The following RAPGEF1 variants were observed in gnomAD, a reference collection of about 807,000 sequenced individuals.
The protein encoded by RAPGEF1 is CRK SH3-binding GNRP.
RAPGEF1 carries 33 observed loss-of-function variants against 143.3 expected under a neutral mutation model. That is an observed-to-expected ratio of 0.23 (90% CI 0.17 to 0.31). The LOEUF (loss-of-function observed/expected upper bound fraction) is 0.31. RAPGEF1 is among the 10% of genes least tolerant of loss of function. RAPGEF1 has a pLI of 1.00. For missense variants in RAPGEF1, 1,199 were observed against 1,645.4 expected, an observed-to-expected ratio of 0.73 and a Z score of 4.69; for synonymous variants, 629 against 676.5, an observed-to-expected ratio of 0.93 and a Z score of 1.09.
At chr9:131,614,420 C>T (rs1958573690) in intron 12 of RAPGEF1, among the ~76,000 whole-genome samples, 1 of 152,238 alleles carries the variant, frequency 6.6e-6, no homozygotes, top group South Asian at 2.1e-4. Context: ...TTCTTCTCTC[C>T]TTCTCTCTCT....
chr9:131,676,078 T>C (rs1192625646), intron 1 of RAPGEF1, among the ~76,000 whole-genome samples: 1 of 152,104 alleles, frequency 6.6e-6, no homozygotes, highest in Admixed American at 6.5e-5. Context: ...GACAATAAAG[T>C]GCCTTCCTTA....
intron 22 of RAPGEF1, among the ~76,000 whole-genome samples, chr9:131,586,283 C>T (rs1243147433): frequency 7.0e-6 from 1 of 143,352 alleles, no homozygotes; most frequent in African/African-American, 2.7e-5. Flanking sequence ...CACACACACA[C>T]ACCTGCAGAG....
intron 12 of RAPGEF1, among the ~76,000 whole-genome samples, chr9:131,609,959 C>T (rs776976046): frequency 3.6e-4 from 55 of 152,268 alleles, no homozygotes; most frequent in Admixed American, 6.5e-4. Flanking sequence ...TGCAGTGATG[C>T]GGTCTTGGCT....
At chr9:131,682,618 T>C (rs1373394798) in intron 1 of RAPGEF1, among the ~76,000 whole-genome samples, 3 of 152,204 alleles carry the variant, frequency 2.0e-5, no homozygotes, top group Non-Finnish European at 4.4e-5. Flanking sequence ...TTCTGTTCCC[T>C]GGACAGCAGA....
At chr9:131,739,743 G>A in intron 1 of RAPGEF1, 27 bp downstream of exon 1, 3 of 1,119,716 alleles carry the variant, frequency 2.7e-6, no homozygotes, top group South Asian at 2.3e-5. Context: ...CCCGGCCGGA[G>A]GGAGCCGCCC....
At chr9:131,701,348 T>C (rs1297953131) in intron 1 of RAPGEF1, among the ~76,000 whole-genome samples, 1 of 152,194 alleles carries the variant, frequency 6.6e-6, no homozygotes, top group African/African-American at 2.4e-5. Flanking sequence ...ACTACACCCA[T>C]ACTTCTCATG....
chr9:131,614,744 T>C (rs1002407162), intron 12 of RAPGEF1, among the ~76,000 whole-genome samples: 6 of 152,332 alleles, frequency 3.9e-5, no homozygotes, highest in Admixed American at 3.9e-4. Flanking sequence ...ACGACTGTTT[T>C]GCCCAGAATG....
rs377355004 is a variant in RAPGEF1 at position 131,618,964 on chromosome 9, C to G, written c.2061+87G>C. 2.5e-5 allele frequency: 30 copies of G among 1,191,194 alleles called. No homozygotes were observed. The East Asian group carries it at 4.6e-4, about 18-fold the overall frequency. 73.8% of individuals were successfully genotyped at this position (1,191,194 alleles called of 1,614,324 possible). A position where few individuals can be genotyped will look rare whatever the true frequency, so the allele number is the denominator to read the frequency against. ...GCAGAAGGGCAGGGGCCGCGACGGG[C>G]AGCAGAACACATGGCTGAGGCACAC... On this transcript the variant is annotated intron_variant, in intron 12 of 26. Transcript: ENST00000683357.
intron 5 of RAPGEF1, among the ~76,000 whole-genome samples, chr9:131,633,140 C>T (rs573421382): frequency 6.6e-6 from 1 of 152,316 alleles, no homozygotes; most frequent in African/African-American, 2.4e-5. Flanking sequence ...AAAGGAGAAC[C>T]TTAATACTTG....
At chr9:131,694,617 G>A (rs761977066) in intron 1 of RAPGEF1, among the ~76,000 whole-genome samples, 2 of 151,218 alleles carry the variant, frequency 1.3e-5, no homozygotes, top group East Asian at 3.9e-4. Flanking sequence ...TGGCATGCCT[G>A]TGCCCCAGGT....
intron 1 of RAPGEF1, among the ~76,000 whole-genome samples, chr9:131,674,235 T>C (rs764824690): frequency 5.9e-5 from 9 of 152,302 alleles, no homozygotes; most frequent in Non-Finnish European, 1.0e-4. Context: ...ACAAAAATAT[T>C]AGCACAGAAC....
rs891916434 is a variant in RAPGEF1 at position 131,628,864 on chromosome 9, C to G, written c.894-192G>C. ...TACCAAATGAACAAAAAAGAACAAC[C>G]CTTTCTTTTTCTTTCATAATAAATC... is the stretch of plus-strand genomic sequence containing the variant. On this transcript the variant is annotated intron_variant, in intron 7 of 26. Transcript: ENST00000683357. The surrounding 1 kb of genome is among the most constrained non-coding windows in gnomAD (Gnocchi z 5.7). Among the ~76,000 whole-genome samples, 3 of 152,120 alleles carry G rather than the reference C, an allele frequency of 2.0e-5. No individual in the cohort carries two copies. The highest frequency in any genetic ancestry group is 2.1e-4 in the South Asian group (1 of 4,822).
chr9:131,639,770 G>A (rs1047699009), intron 4 of RAPGEF1, among the ~76,000 whole-genome samples: 2 of 152,066 alleles, frequency 1.3e-5, no homozygotes, highest in African/African-American at 4.8e-5. Context: ...AGGAGCCAAA[G>A]ATATAACTTT....
intron 12 of RAPGEF1, among the ~76,000 whole-genome samples, chr9:131,607,321 C>T (rs115926543): frequency 0.036 from 5,474 of 152,250 alleles, 201 homozygotes; most frequent in East Asian, 0.09. Context: ...CCTGGCTTGC[C>T]GCCCTCACCT....
At chr9:131,630,415 C>T (rs550610685) in intron 5 of RAPGEF1, 91 bp from the exon 6 acceptor site, 290 of 1,250,364 alleles carry the variant, frequency 2.3e-4, no homozygotes, top group Non-Finnish European at 3.1e-4. Flanking sequence ...TCCTCTGCTG[C>T]TGAGTCTCAT....
chr9:131,625,491 A>G (rs1962690093), intron 10 of RAPGEF1, among the ~76,000 whole-genome samples: 1 of 152,176 alleles, frequency 6.6e-6, no homozygotes, highest in South Asian at 2.1e-4. Flanking sequence ...AGTGTGCTCT[A>G]GACAGGGATC....
Position 131,629,045 on chromosome 9 carries a change from C to T in RAPGEF1, c.893+57G>A, listed in dbSNP as rs1057459887. The T allele has an allele frequency of 2.5e-6, 4 of 1,572,226 alleles. No individual in the cohort carries two copies. In the African/African-American group the frequency reaches 4.1e-5, roughly 16 times the overall value. On this transcript the variant is annotated intron_variant, in intron 7 of 26. Transcript: ENST00000683357. ...GGGAAAGGGCCCGAGCCCTGTCTTC[C>T]TCCCTTTCTTTCTCATTCTGCCATG...
At chr9:131,723,152 C>T (rs1425565444) in intron 1 of RAPGEF1, among the ~76,000 whole-genome samples, 1 of 152,202 alleles carries the variant, frequency 6.6e-6, no homozygotes, top group Non-Finnish European at 1.5e-5. Flanking sequence ...CGAGATCACA[C>T]CATTGCACTT....
At chr9:131,713,963 T>G (rs1163254091) in intron 1 of RAPGEF1, among the ~76,000 whole-genome samples, 1 of 152,122 alleles carries the variant, frequency 6.6e-6, no homozygotes, top group Non-Finnish European at 1.5e-5. Flanking sequence ...CATATCAGAG[T>G]AAGATCCACT....
Sources: allele counts gnomAD v4.1 joint callset (sites outside exome capture counted in the v4.1 genomes callset), GRCh38; gene constraint gnomAD v4.1.1; non-coding constraint Gnocchi (gnomAD v3.1); transcripts MANE v1.5; gene names NCBI Gene and HGNC (gene_info 2026-07-23, HGNC 2026-07-21).